BHMT2: variants seen among roughly 807,000 people sequenced by gnomAD.
The protein encoded by BHMT2 is betaine--homocysteine S-methyltransferase 2, also known as S-methylmethionine--homocysteine S-methyltransferase BHMT2.
BHMT2 carries 28 observed loss-of-function variants against 39.0 expected under a neutral mutation model. That is an observed-to-expected ratio of 0.72 (90% CI 0.53 to 0.98). BHMT2 has a LOEUF of 0.98. BHMT2 is among the 50% of genes least tolerant of loss of function. BHMT2 has a pLI of 0.00. For synonymous variants in BHMT2, 145 were observed against 160.6 expected (o/e 0.90, Z 0.74); for missense variants, 410 against 455.6 (o/e 0.90, Z 0.91).
At position 79,083,231 on chromosome 5, in the gene BHMT2, A is replaced by C; in HGVS notation, c.638A>C (p.Asp213Ala). 6.2e-7 allele frequency: 1 copy of C among 1,614,168 alleles called. No individual in the cohort carries two copies. ...GGCGTGAACTGCCGCTTTGGGCCCG[A>C]CACCAGCTTGAAGACGATGGAGCTC... Reference protein sequence around the residue: ...IVGVNCRFGPDTSLKTMELMK... With the variant: ...IVGVNCRFGPATSLKTMELMK... The change falls in exon 6 of 8, where the codon GAC (aspartate) becomes GCC (alanine). Residue 213 changes from aspartate (D) to alanine (A), a missense_variant. Asp to Ala is a moderately radical substitution (Grantham distance 126). Transcript: ENST00000255192.
chr5:79,077,836 C>T (rs1489388760), intron 2 of BHMT2: 3 of 396,574 alleles, frequency 7.6e-6, no homozygotes, highest in African/African-American at 2.1e-5. Context: ...CCCACCCATC[C>T]ACACGCCCAC....
In BHMT2 at chr5:79,084,448, A is replaced by G. The variant is rs541922638; in HGVS notation, c.1010+592A>G. On this transcript the variant is annotated intron_variant, in intron 7 of 7. Coordinates refer to ENST00000255192, the MANE Select transcript of BHMT2 (RefSeq NM_017614.5). ...ACCACCACATCCGGCTAATTTTTGT[A>G]TTTTTAGTAGAGACGGGGTTTCACT... 2.6e-5 allele frequency among the ~76,000 whole-genome samples: 4 copies of G among 152,040 alleles called. No homozygotes were observed. In the South Asian group the frequency reaches 8.3e-4, roughly 32 times the overall value.
chr5:79,070,911 TA>T (rs1343233839), intron 1 of BHMT2, among the ~76,000 whole-genome samples: 2 of 152,220 alleles, frequency 1.3e-5, no homozygotes, highest in Non-Finnish European at 2.9e-5. Context: ...AATATTGGTT[TA>T]AAAAGCATGT....
intron 1 of BHMT2, among the ~76,000 whole-genome samples, chr5:79,071,822 TAAAAAAAA>T (rs60114073): frequency 9.7e-6 from 1 of 103,576 alleles, no homozygotes; most frequent in Admixed American, 1.1e-4. Flanking sequence ...AACTTAAAAG[TAAAAAAAA>T]AAAAAAAAAA....
intron 1 of BHMT2, among the ~76,000 whole-genome samples, chr5:79,076,312 C>T (rs1411422752): frequency 1.3e-5 from 2 of 152,124 alleles, no homozygotes; most frequent in East Asian, 1.9e-4. Flanking sequence ...TTCCTCTCAA[C>T]GTCCAGCTGC....
intron 4 of BHMT2, chr5:79,082,429 T>C (rs891331985): frequency 1.2e-5 from 2 of 172,268 alleles, no homozygotes; most frequent in African/African-American, 4.8e-5. Flanking sequence ...TTTCAGAGAT[T>C]ACCCCAGTTT....
Position 79,082,720 on chromosome 5 carries a change from A to G in BHMT2, c.451-89A>G, listed in dbSNP as rs116752727. 6,712 of 1,463,232 alleles carry G rather than the reference A, an allele frequency of 4.6e-3. 269 individuals carry two copies. In the African/African-American group the frequency reaches 0.08, roughly 18 times the overall value. The allele number at this position is 1,463,232 out of a possible 1,614,324, so 90.6% of individuals were successfully genotyped here. ...TGCATATGTTTATATTCTATTTGGT[A>G]ATTTTTATAACTGTTTTGCTATATT... On this transcript the variant is annotated intron_variant, in intron 4 of 7. Transcript: ENST00000255192.
At chr5:79,087,041 T>TATATATATATATATATAC (rs1491463046) in intron 7 of BHMT2, among the ~76,000 whole-genome samples, 1 of 138,388 alleles carries the variant, frequency 7.2e-6, no homozygotes, top group Non-Finnish European at 1.6e-5. Context: ...TATATATATA[T>TATATATATATATATATAC]ACATATGTAT....
intron 6 of BHMT2, 117 bp downstream of exon 6, chr5:79,083,491 T>C (rs1755831658): frequency 6.8e-7 from 1 of 1,471,352 alleles, no homozygotes; most frequent in Non-Finnish European, 9.1e-7. Flanking sequence ...ACATTCAGAG[T>C]TAACCAAAAA....
Position 79,080,056 on chromosome 5 carries a change from C to G in BHMT2, c.258+596C>G, listed in dbSNP as rs144614982. On this transcript the variant is annotated intron_variant, in intron 3 of 7. Coordinates refer to ENST00000255192, the MANE Select transcript of BHMT2 (RefSeq NM_017614.5). ...ACTTCATAGATGCTCTTTTCACCTT[C>G]TCATTTCACACTTTTCTCTTCTGGA... is the stretch of plus-strand genomic sequence containing the variant. Among the ~76,000 whole-genome samples, 85 of 152,312 alleles carry G rather than the reference C, an allele frequency of 5.6e-4. 1 individual carries two copies. The highest frequency in any genetic ancestry group is 2.0e-3 in the African/African-American group (85 of 41,574).
At chr5:79,073,428 A>G (rs1305681436) in intron 1 of BHMT2, among the ~76,000 whole-genome samples, 1 of 152,194 alleles carries the variant, frequency 6.6e-6, no homozygotes, top group Non-Finnish European at 1.5e-5. Context: ...GCCTTCCCCA[A>G]AGTAGCCAGA....
At chr5:79,079,289 C>G in intron 2 of BHMT2, 80 bp from the exon 3 acceptor site, 1 of 1,054,790 alleles carries the variant, frequency 9.5e-7, no homozygotes, top group East Asian at 2.5e-5. Flanking sequence ...CAGTGAGCTA[C>G]TGCTGCTTTT....
intron 7 of BHMT2, 104 bp downstream of exon 7, chr5:79,083,960 A>G: frequency 1.4e-6 from 2 of 1,434,798 alleles, no homozygotes; most frequent in South Asian, 2.9e-5. Context: ...AGAAATGTAT[A>G]AAGTGAAAAG....
intron 1 of BHMT2, among the ~76,000 whole-genome samples, chr5:79,072,558 T>C (rs190910380): frequency 2.1e-4 from 32 of 152,350 alleles, no homozygotes; most frequent in Admixed American, 8.5e-4. Context: ...TTAGTTGTTA[T>C]ATGTGGTGGT....
At chr5:79,069,865 G>T in intron 1 of BHMT2, 50 bp downstream of exon 1, 1 of 1,354,264 alleles carries the variant, frequency 7.4e-7, no homozygotes, top group South Asian at 2.0e-5. Context: ...GCTGGGCTGC[G>T]AGCGACTCCG....
intron 1 of BHMT2, among the ~76,000 whole-genome samples, chr5:79,071,474 C>T (rs889595348): frequency 2.0e-5 from 3 of 152,170 alleles, no homozygotes; most frequent in Non-Finnish European, 2.9e-5. Context: ...CCCTAGAGCT[C>T]GCTGTCAGAT....
Position 79,088,518 on chromosome 5 carries a change from C to G in BHMT2, c.1036C>G (p.Leu346Val), listed in dbSNP as rs775091606. 6.2e-7 allele frequency: 1 copy of G among 1,614,080 alleles called. No individual in the cohort carries two copies. The highest frequency in any genetic ancestry group is 8.5e-7 in the Non-Finnish European group (1 of 1,179,970). ...GGCTCGAAGGGAGTATTGGGAGAATCTGCTGCCAGCTTCAGGCAGACCTTT... is the reference window on the plus strand; with the variant it reads ...GGCTCGAAGGGAGTATTGGGAGAATGTGCTGCCAGCTTCAGGCAGACCTTT... ...ARARREYWENLLPASGRPFCP... is the reference protein window; with the variant it reads ...ARARREYWENVLPASGRPFCP... Residue 346 changes from leucine (L) to valine (V), a missense_variant, in exon 8 of 8, where the codon CTG (leucine) becomes GTG (valine). Leu to Val is a conservative substitution (Grantham distance 32). Coordinates refer to ENST00000255192, the MANE Select transcript of BHMT2 (RefSeq NM_017614.5).
chr5:79,088,664 C>T lies in BHMT2; in HGVS notation c.*90C>T. On this transcript the variant is annotated 3_prime_UTR_variant, in exon 8 of 8. Transcript: ENST00000255192. ...AACCGTTCCTCACCTTCATCCTCAC[C>T]ATGCCCTGCTATCTCCAGCTGCTGA... 1 of 998,660 alleles carries T rather than the reference C, an allele frequency of 1.0e-6. No homozygotes were observed. The highest frequency in any genetic ancestry group is 1.5e-6 in the Non-Finnish European group (1 of 651,016). 61.9% of individuals were successfully genotyped at this position (998,660 alleles called of 1,614,324 possible).
intron 6 of BHMT2, 59 bp from the exon 7 acceptor site, chr5:79,083,569 G>T: frequency 6.3e-7 from 1 of 1,591,884 alleles, no homozygotes; most frequent in Non-Finnish European, 8.6e-7. Context: ...GCTCATTAGA[G>T]CATCCATCAT....
Sources: gnomAD v4.1 joint callset for allele counts (sites outside exome capture counted in the v4.1 genomes callset) on GRCh38, gnomAD v4.1.1 for gene constraint, MANE v1.5 for transcripts, NCBI Gene and HGNC (gene_info 2026-07-23, HGNC 2026-07-21) for gene names.